The following SEC24D variants were observed in gnomAD, a reference collection of about 807,000 sequenced individuals.
SEC24D encodes SEC24 homolog D, COPII component.
In SEC24D, 69 loss-of-function variants were observed where a neutral mutation model predicts 116.9. The ratio of observed to expected loss-of-function variants is 0.59; its 90% CI spans 0.49 to 0.72. The LOEUF (loss-of-function observed/expected upper bound fraction) is 0.72. Among genes scored for constraint, SEC24D ranks in the 30% least tolerant of loss-of-function variants. The pLI is 0.00. For synonymous variants in SEC24D, 405 were observed against 442.8 expected (o/e 0.91, Z 1.07); for missense variants, 1,131 against 1,264.1 (o/e 0.89, Z 1.60).
rs115560243 is a variant in SEC24D at position 118,783,536 on chromosome 4, T to C, written c.1041+14147A>G. Among the ~76,000 whole-genome samples the C allele has an allele frequency of 3.3e-3, 500 of 152,336 alleles. 1 individual carries two copies. Among genetic ancestry groups the C allele is most frequent in the African/African-American group, 0.011 (470 of 41,586 alleles). ...ATACTGGGAGAACAATGAGTATTCATTGAATTGAATTGGTTATTCTTAAAT... is the reference window on the plus strand; with the variant it reads ...ATACTGGGAGAACAATGAGTATTCACTGAATTGAATTGGTTATTCTTAAAT... On this transcript the variant is annotated intron_variant, in intron 8 of 22. Transcript: ENST00000280551.
At chr4:118,748,581 A>C (rs968394763) in intron 13 of SEC24D, among the ~76,000 whole-genome samples, 2 of 152,304 alleles carry the variant, frequency 1.3e-5, no homozygotes, top group African/African-American at 4.8e-5. Context: ...ACATGGCAGA[A>C]AACAGGTTGA....
At chr4:118,749,222 A>G (rs771276433) in intron 13 of SEC24D, among the ~76,000 whole-genome samples, 3 of 152,200 alleles carry the variant, frequency 2.0e-5, no homozygotes, top group Non-Finnish European at 2.9e-5. Context: ...TGCTGTGGAC[A>G]TGGAAGCATT....
chr4:118,731,357 T>C lies in SEC24D; in HGVS notation c.2827A>G (p.Ile943Val), dbSNP rs1179697905. 5 of 1,614,106 alleles carry C rather than the reference T, an allele frequency of 3.1e-6. No individual in the cohort carries two copies. Among genetic ancestry groups the C allele is most frequent in the Non-Finnish European group, 4.2e-6 (5 of 1,179,950 alleles). Reference protein sequence around the residue: ...VSSPPELIQGIFNVPSFAHIN... With the variant: ...VSSPPELIQGVFNVPSFAHIN... ...TGTGCAAAAGATGGCACATTAAATA[T>C]TCCTTGGATCAGTTCTGGTGGGCTG... Residue 943 changes from isoleucine (I) to valine (V), a missense_variant, in exon 21 of 23, where the codon ATA becomes GTA. Transcript: ENST00000280551.
At position 118,778,646 on chromosome 4, in the gene SEC24D, T is replaced by C. The variant is rs1425521509; in HGVS notation, c.1042-10335A>G. ...TTTTCCAATTCCATTAAGAAAGTCA[T>C]TGGTAGCTTGACGAGGATGGCACTG... On this transcript the variant is annotated intron_variant, in intron 8 of 22. Coordinates refer to ENST00000280551, the MANE Select transcript of SEC24D (RefSeq NM_014822.4). Among the ~76,000 whole-genome samples the C allele has an allele frequency of 2.7e-5, 4 of 150,786 alleles. No homozygotes were observed. In the East Asian group the frequency reaches 5.8e-4, roughly 22 times the overall value.
chr4:118,776,488 T>C (rs1425272839), intron 8 of SEC24D, among the ~76,000 whole-genome samples: 1 of 152,168 alleles, frequency 6.6e-6, no homozygotes, highest in Non-Finnish European at 1.5e-5. Flanking sequence ...AGCACCTTAA[T>C]AGTTTTTTCT....
chr4:118,834,143 G>A (rs1730994297), intron 1 of SEC24D, among the ~76,000 whole-genome samples: 1 of 152,178 alleles, frequency 6.6e-6, no homozygotes, highest in Non-Finnish European at 1.5e-5. Flanking sequence ...CCAGTAGCCT[G>A]CAATCAGATG....
At chr4:118,748,069 T>C (rs558247219) in intron 13 of SEC24D, among the ~76,000 whole-genome samples, 91 of 152,074 alleles carry the variant, frequency 6.0e-4, no homozygotes, top group Admixed American at 9.8e-4. Context: ...ATCAAGATCA[T>C]CCTGCCTAAC....
chr4:118,768,736 C>T (rs1282261972), intron 8 of SEC24D, among the ~76,000 whole-genome samples: 1 of 152,144 alleles, frequency 6.6e-6, no homozygotes, highest in African/African-American at 2.4e-5. Context: ...GCTTTTGCCC[C>T]AGGACAGTAA....
chr4:118,834,648 CTA>C (rs1167983467), intron 1 of SEC24D, among the ~76,000 whole-genome samples: 2 of 152,130 alleles, frequency 1.3e-5, no homozygotes, highest in Admixed American at 6.5e-5. Context: ...GGTTTCCATT[CTA>C]TGTCTGCCAT....
chr4:118,779,258 T>C (rs1728288894), intron 8 of SEC24D, among the ~76,000 whole-genome samples: 4 of 152,218 alleles, frequency 2.6e-5, no homozygotes, highest in Admixed American at 2.6e-4. Flanking sequence ...ATAGCTCTTA[T>C]TATTTTGAGA....
At chr4:118,819,490 C>T (rs1165798443) in intron 3 of SEC24D, among the ~76,000 whole-genome samples, 1 of 133,158 alleles carries the variant, frequency 7.5e-6, no homozygotes, top group Non-Finnish European at 1.5e-5. Context: ...AAGATCGCGC[C>T]ACTGCACTCC....
At chr4:118,740,522 A>C in intron 17 of SEC24D, 141 bp downstream of exon 17, 1 of 857,584 alleles carries the variant, frequency 1.2e-6, no homozygotes, top group Non-Finnish European at 1.8e-6. Flanking sequence ...GAGTGTTCTA[A>C]TCTACTGACT....
chr4:118,791,869 C>T (rs764352586), intron 8 of SEC24D, among the ~76,000 whole-genome samples: 9 of 152,150 alleles, frequency 5.9e-5, no homozygotes, highest in African/African-American at 1.9e-4. Context: ...GATCTTGGCT[C>T]GCTACAACCT....
chr4:118,743,331 T>C (rs1370273937), intron 15 of SEC24D, among the ~76,000 whole-genome samples: 1 of 146,564 alleles, frequency 6.8e-6, no homozygotes, highest in Non-Finnish European at 1.5e-5. Context: ...GAACCATAAA[T>C]ATATATGGTT....
At chr4:118,746,069 A>C (rs537571889) in intron 13 of SEC24D, among the ~76,000 whole-genome samples, 165 of 152,128 alleles carry the variant, frequency 1.1e-3, no homozygotes, top group African/African-American at 3.7e-3. Context: ...TCAGCTACTC[A>C]GGAGGCTGAG....
chr4:118,772,940 T>G (rs1727970088), intron 8 of SEC24D, among the ~76,000 whole-genome samples: 1 of 152,040 alleles, frequency 6.6e-6, no homozygotes, highest in Non-Finnish European at 1.5e-5. Flanking sequence ...CATTGCTGGG[T>G]GAAACTGGCC....
chr4:118,739,752 A>G (rs1246639517), intron 17 of SEC24D, among the ~76,000 whole-genome samples: 11 of 152,206 alleles, frequency 7.2e-5, no homozygotes, highest in Non-Finnish European at 2.9e-5. Context: ...TTCACCAAAT[A>G]TATGTGATTA....
At chr4:118,726,692 G>A (rs528234518) in intron 22 of SEC24D, among the ~76,000 whole-genome samples, 178 of 152,286 alleles carry the variant, frequency 1.2e-3, no homozygotes, top group Non-Finnish European at 1.7e-3. Context: ...AACATTTGGA[G>A]CACAGAGAAC....
intron 19 of SEC24D, chr4:118,736,577 A>G (rs1725971052): frequency 6.1e-6 from 2 of 328,802 alleles, no homozygotes; most frequent in African/African-American, 2.2e-5. Flanking sequence ...GAACTGTAGG[A>G]AAGTACCAAG....
Sources: gnomAD v4.1 joint callset for allele counts (sites outside exome capture counted in the v4.1 genomes callset) on GRCh38, gnomAD v4.1.1 for gene constraint, MANE v1.5 for transcripts, NCBI Gene and HGNC (gene_info 2026-07-23, HGNC 2026-07-21) for gene names.